CNGB3: variants seen among roughly 807,000 people sequenced by gnomAD.
CNGB3 encodes cyclic nucleotide-gated channel beta-3.
A neutral mutation model predicts 92.8 loss-of-function variants in CNGB3; 86 were observed. The ratio of observed to expected loss-of-function variants is 0.93; its 90% CI spans 0.78 to 1.11. The LOEUF (loss-of-function observed/expected upper bound fraction) is 1.11, where lower values mean the gene tolerates loss of function less well. CNGB3 is among the 50% of genes least tolerant of loss of function. The probability of loss-of-function intolerance (pLI) is 0.00; values close to 1 mark genes in which losing one functional copy is unlikely to be tolerated. For missense variants in CNGB3, 1,026 were observed against 956.8 expected (o/e 1.07, Z -0.95); for synonymous variants, 333 against 332.7 (o/e 1.00, Z -0.01).
chr8:86,694,748 G>A lies in CNGB3; in HGVS notation c.339-23650C>T, dbSNP rs558082159. 6.6e-3 allele frequency among the ~76,000 whole-genome samples: 1,003 copies of A among 151,430 alleles called. 7 individuals carry two copies. Among genetic ancestry groups the A allele is most frequent in the Admixed American group, 0.011 (174 of 15,208 alleles). On this transcript the variant is annotated intron_variant, in intron 3 of 17. Coordinates refer to ENST00000320005, the MANE Select transcript of CNGB3 (RefSeq NM_019098.5). ...CTCACTTCCTAGATGGGATGGCGGC[G>A]GGGAAGAGGCGCTCCTCACTTCCTA...
intron 14 of CNGB3, among the ~76,000 whole-genome samples, chr8:86,605,175 A>G (rs10429279): frequency 0.017 from 2,596 of 152,218 alleles, 87 homozygotes; most frequent in African/African-American, 0.059. Flanking sequence ...CTTGCATTTT[A>G]TCCTTTGCTA....
intron 3 of CNGB3, among the ~76,000 whole-genome samples, chr8:86,713,019 C>A (rs1392341618): frequency 1.3e-5 from 2 of 151,922 alleles, no homozygotes; most frequent in Non-Finnish European, 2.9e-5. Flanking sequence ...AAGGCAAAAA[C>A]AAGTACCTGA....
chr8:86,619,805 C>A (rs1254269827), intron 13 of CNGB3, among the ~76,000 whole-genome samples: 1 of 135,102 alleles, frequency 7.4e-6, no homozygotes, highest in Admixed American at 9.0e-5. Flanking sequence ...ACAATCATGG[C>A]TCACTGCAGC....
intron 6 of CNGB3, chr8:86,660,790 G>A (rs1252444540): frequency 7.9e-6 from 4 of 508,794 alleles, no homozygotes; most frequent in Admixed American, 2.0e-5. Context: ...ATGGAAAATT[G>A]TCCTGCTACC....
intron 15 of CNGB3, among the ~76,000 whole-genome samples, chr8:86,591,057 C>G (rs1822021911): frequency 6.6e-6 from 1 of 152,050 alleles, no homozygotes. Context: ...TCTTTTTTCT[C>G]TAAACTTTCC....
At chr8:86,680,771 G>A (rs1264033646) in intron 3 of CNGB3, among the ~76,000 whole-genome samples, 1 of 152,068 alleles carries the variant, frequency 6.6e-6, no homozygotes, top group African/African-American at 2.4e-5. Context: ...TACAGCAATG[G>A]CGTACCAAGT....
chr8:86,694,570 C>A (rs1824406496), intron 3 of CNGB3, among the ~76,000 whole-genome samples: 3 of 151,774 alleles, frequency 2.0e-5, no homozygotes, highest in African/African-American at 7.3e-5. Context: ...ATAGGGTCTC[C>A]TCACTTCTCA....
At chr8:86,672,911 C>T (rs7812988) in intron 3 of CNGB3, among the ~76,000 whole-genome samples, 2 of 152,068 alleles carry the variant, frequency 1.3e-5, no homozygotes, top group African/African-American at 4.8e-5. Context: ...TAGAGACCAA[C>T]GGGCAGTGAA....
chr8:86,574,718 T>A lies in CNGB3; in HGVS notation c.*1086A>T, dbSNP rs1401039225. The A allele has an allele frequency of 6.6e-6, 1 of 152,232 alleles. No individual in the cohort carries two copies. The highest frequency in any genetic ancestry group is 2.4e-5 in the African/African-American group (1 of 41,454). The allele number at this position is 152,232 out of a possible 1,614,324, so 9.4% of individuals were successfully genotyped here. On this transcript the variant is annotated 3_prime_UTR_variant, in exon 18 of 18. Coordinates refer to ENST00000320005, the MANE Select transcript of CNGB3 (RefSeq NM_019098.5). ...TAGAATGGAATTCTATATGTATTAT[T>A]ACTTCCGACACCAGCCTGGCCTTTG...
At chr8:86,663,293 T>G (rs1220199462) in intron 6 of CNGB3, among the ~76,000 whole-genome samples, 6 of 152,226 alleles carry the variant, frequency 3.9e-5, no homozygotes, top group Non-Finnish European at 7.3e-5. Context: ...GTCTCTTATC[T>G]AAATAATCTT....
chr8:86,699,345 T>G (rs781666990), intron 3 of CNGB3, among the ~76,000 whole-genome samples: 1 of 152,122 alleles, frequency 6.6e-6, no homozygotes, highest in Non-Finnish European at 1.5e-5. Context: ...AAATCAAGAC[T>G]ATTGAATGTT....
At chr8:86,689,307 G>T (rs1261464508) in intron 3 of CNGB3, among the ~76,000 whole-genome samples, 1 of 151,774 alleles carries the variant, frequency 6.6e-6, no homozygotes, top group East Asian at 1.9e-4. Context: ...GGTCTGTAGT[G>T]CAGATTAAGT....
chr8:86,670,987 C>A lies in CNGB3; in HGVS notation c.450G>T (p.Leu150Phe), dbSNP rs201881873. The A allele has an allele frequency of 6.1e-5, 99 of 1,612,964 alleles. No homozygotes were observed. In the Middle Eastern group the frequency reaches 7.6e-4, roughly 12 times the overall value. ...CGGGTGAGGAGAGATCTCCCTCTAC[C>A]AACTTTTTCTTGTAGAGGGCTGTTC... is the stretch of plus-strand genomic sequence containing the variant. The part of the protein sequence containing the change: ...RQRTALYKKK[L>F]VEGDLSSPEA... Residue 150 changes from leucine to phenylalanine, a missense_variant, in exon 4 of 18, where the codon TTG becomes TTT. Transcript: ENST00000320005.
chr8:86,628,429 TTA>T (rs1360940607), intron 12 of CNGB3, among the ~76,000 whole-genome samples: 1 of 152,180 alleles, frequency 6.6e-6, no homozygotes, highest in Non-Finnish European at 1.5e-5. Flanking sequence ...GTTGGCATTG[TTA>T]ACCCCCACTT....
intron 3 of CNGB3, among the ~76,000 whole-genome samples, chr8:86,705,399 C>T (rs897879402): frequency 6.6e-6 from 1 of 152,008 alleles, no homozygotes; most frequent in African/African-American, 2.4e-5. Flanking sequence ...GACGACCTGC[C>T]CCCGCTGCCC....
rs546781288 is a variant in CNGB3, at chr8:86,730,481, C to T, written c.212-3824G>A. Among the ~76,000 whole-genome samples, 3 of 152,278 alleles carry T rather than the reference C, an allele frequency of 2.0e-5. No homozygotes were observed. The South Asian group carries it at 6.2e-4, about 32-fold the overall frequency. On this transcript the variant is annotated intron_variant, in intron 2 of 17. Transcript: ENST00000320005. The stretch of plus-strand genomic sequence containing the variant: ...TTTCTAGGTCTTAGGACATCAAAGA[C>T]ATGTGGGTTCTGTCTCAAAAATAAA...
intron 15 of CNGB3, among the ~76,000 whole-genome samples, chr8:86,580,193 G>A (rs11370892): frequency 3.6e-5 from 1 of 27,834 alleles, no homozygotes; most frequent in Admixed American, 6.2e-4. Context: ...AATAGCACGG[G>A]GGGGGTGGCG....
chr8:86,708,148 A>G (rs116074831), intron 3 of CNGB3, among the ~76,000 whole-genome samples: 1,927 of 152,330 alleles, frequency 0.013, 34 homozygotes, highest in African/African-American at 0.044. Context: ...TCAGGGTATC[A>G]ATGTTGCTTA....
intron 13 of CNGB3, among the ~76,000 whole-genome samples, chr8:86,614,549 C>T (rs576849433): frequency 2.0e-5 from 3 of 152,198 alleles, no homozygotes; most frequent in African/African-American, 7.2e-5. Flanking sequence ...AATGAAAATG[C>T]TTCTATTACT....
Sources: allele counts gnomAD v4.1 joint callset (sites outside exome capture counted in the v4.1 genomes callset), GRCh38; gene constraint gnomAD v4.1.1; transcripts MANE v1.5; gene names NCBI Gene and HGNC (gene_info 2026-07-23, HGNC 2026-07-21).